The following AGBL1 variants were observed in gnomAD, a reference collection of about 807,000 sequenced individuals.
The protein encoded by AGBL1 is cytosolic carboxypeptidase 4.
A neutral mutation model predicts 118.9 loss-of-function variants in AGBL1; 130 were observed. That is an observed-to-expected ratio of 1.09 (90% CI 0.95 to 1.26). AGBL1 has a LOEUF of 1.26. Ranked by LOEUF, AGBL1 falls within the 50% of genes most tolerant of loss-of-function variation. The probability of loss-of-function intolerance (pLI) is 0.00; values close to 1 mark genes in which losing one functional copy is unlikely to be tolerated. For synonymous variants in AGBL1, 555 were observed against 478.9 expected, an observed-to-expected ratio of 1.16 and a Z score of -2.08; for missense variants, 1,584 against 1,298.1, an observed-to-expected ratio of 1.22 and a Z score of -3.38.
chr15:86,891,035 A>T (rs2080044989), intron 22 of AGBL1, among the ~76,000 whole-genome samples: 1 of 152,146 alleles, frequency 6.6e-6, no homozygotes. Flanking sequence ...ATGAACATGA[A>T]ATGTTTTTTC....
downstream of AGBL1, among the ~76,000 whole-genome samples, chr15:87,030,840 T>A (rs185015137): frequency 5.0e-4 from 76 of 152,026 alleles, no homozygotes; most frequent in Non-Finnish European, 2.7e-4. Context: ...TTGAACTCTA[T>A]TACTCTACTC....
chr15:86,244,095 A>ATG (rs1489529335), intron 6 of AGBL1, among the ~76,000 whole-genome samples: 53 of 150,826 alleles, frequency 3.5e-4, no homozygotes, highest in Non-Finnish European at 3.4e-4. Context: ...AAATATATAT[A>ATG]TAAGTAAATA....
At chr15:86,339,168 A>G (rs1031153596) in intron 17 of AGBL1, among the ~76,000 whole-genome samples, 3 of 152,188 alleles carry the variant, frequency 2.0e-5, no homozygotes, top group Admixed American at 1.3e-4. Flanking sequence ...CACTTGAAGA[A>G]TATTGTGCCA....
chr15:86,780,897 A>G (rs1191925923), intron 22 of AGBL1, among the ~76,000 whole-genome samples: 3 of 151,956 alleles, frequency 2.0e-5, no homozygotes, highest in Non-Finnish European at 4.4e-5. Flanking sequence ...TGAACTCCTG[A>G]CCTCAGGTGA....
chr15:86,520,387 A>C (rs1159189728), intron 18 of AGBL1, among the ~76,000 whole-genome samples: 1 of 152,228 alleles, frequency 6.6e-6, no homozygotes, highest in Non-Finnish European at 1.5e-5. Flanking sequence ...TGACTCTCAA[A>C]GAGGTCTCAA....
chr15:86,543,164 T>G lies in AGBL1; in HGVS notation c.2686-2838T>G, dbSNP rs375325050. On this transcript the variant is annotated intron_variant, in intron 19 of 22. Transcript: ENST00000614907. ...CCAATTTATCTCCACATTTGAATTATTATTCATGCCCCTTAAAAGTAATTT... is the reference window on the plus strand; with the variant it reads ...CCAATTTATCTCCACATTTGAATTAGTATTCATGCCCCTTAAAAGTAATTT... Among the ~76,000 whole-genome samples, 281 of 148,680 alleles carry G rather than the reference T, an allele frequency of 1.9e-3. 1 individual carries two copies. The highest frequency in any genetic ancestry group is 6.6e-3 in the African/African-American group (271 of 41,302).
At chr15:86,113,593 C>T (rs546313057) in intron 1 of AGBL1, among the ~76,000 whole-genome samples, 7 of 152,190 alleles carry the variant, frequency 4.6e-5, no homozygotes, top group Non-Finnish European at 8.8e-5. Flanking sequence ...GCCCACCTTT[C>T]ACCTCTTTCA....
chr15:87,014,028 C>T (rs546950971), intron 24 of AGBL1, among the ~76,000 whole-genome samples: 32 of 152,180 alleles, frequency 2.1e-4, no homozygotes, highest in African/African-American at 7.7e-4. Flanking sequence ...CAAAAAATAC[C>T]TTTAATGTAC....
intron 18 of AGBL1, among the ~76,000 whole-genome samples, chr15:86,451,653 G>T (rs1054629579): frequency 9.9e-5 from 15 of 152,220 alleles, no homozygotes; most frequent in Admixed American, 9.2e-4. Flanking sequence ...AATGAATAGT[G>T]GAAGGCAAGA....
chr15:86,113,237 CTTTTCTTTTCTTTTCT>C (rs1567062388), intron 1 of AGBL1, among the ~76,000 whole-genome samples: 5 of 79,346 alleles, frequency 6.3e-5, no homozygotes, highest in Admixed American at 1.1e-4. Context: ...CTTTTCTTTT[CTTTTCTTTTCTTTTCT>C]TTTCTTTCTT....
chr15:86,897,509 T>C (rs947847208), intron 22 of AGBL1, among the ~76,000 whole-genome samples: 1 of 152,130 alleles, frequency 6.6e-6, no homozygotes, highest in African/African-American at 2.4e-5. Context: ...TTCTTTCTTA[T>C]ATATTTGAAT....
chr15:86,184,460 G>T (rs1239375171), intron 5 of AGBL1, among the ~76,000 whole-genome samples: 1 of 149,970 alleles, frequency 6.7e-6, no homozygotes, highest in Non-Finnish European at 1.5e-5. Flanking sequence ...TCTCAAGAGG[G>T]CAAACAGCTT....
chr15:86,511,917 T>C (rs2083056909), intron 18 of AGBL1, among the ~76,000 whole-genome samples: 1 of 152,032 alleles, frequency 6.6e-6, no homozygotes, highest in African/African-American at 2.4e-5. Flanking sequence ...ACAACCAAGA[T>C]ATAAATAAAT....
At chr15:86,906,080 A>T (rs982556955) in intron 22 of AGBL1, among the ~76,000 whole-genome samples, 1 of 152,174 alleles carries the variant, frequency 6.6e-6, no homozygotes, top group African/African-American at 2.4e-5. Context: ...CATGCTGCTG[A>T]TTACCCATTT....
intron 24 of AGBL1, among the ~76,000 whole-genome samples, chr15:86,994,318 T>C (rs75090585): frequency 6.6e-6 from 1 of 151,984 alleles, no homozygotes; most frequent in African/African-American, 2.4e-5. Flanking sequence ...TCTCTATATA[T>C]ATATATCCTG....
chr15:86,971,339 T>C (rs1042138279), intron 23 of AGBL1, among the ~76,000 whole-genome samples: 2 of 151,996 alleles, frequency 1.3e-5, no homozygotes, highest in African/African-American at 2.4e-5. Flanking sequence ...TTGTGACATG[T>C]GGTGAGACAT....
chr15:86,399,706 T>A (rs2081417566), intron 18 of AGBL1, among the ~76,000 whole-genome samples: 1 of 152,214 alleles, frequency 6.6e-6, no homozygotes, highest in South Asian at 2.1e-4. Flanking sequence ...TAAAGGTTAA[T>A]GTGATCTCAG....
At chr15:86,224,548 C>T (rs1165377234) in intron 5 of AGBL1, among the ~76,000 whole-genome samples, 1 of 152,098 alleles carries the variant, frequency 6.6e-6, no homozygotes, top group African/African-American at 2.4e-5. Context: ...CCTCCAGAGT[C>T]CCTGCAAGTT....
At chr15:86,232,740 C>T (rs769368134) in intron 6 of AGBL1, among the ~76,000 whole-genome samples, 1 of 152,148 alleles carries the variant, frequency 6.6e-6, no homozygotes, top group South Asian at 2.1e-4. Context: ...TTTCCCCTCT[C>T]GCTCTTTGAT....
Sources: allele counts gnomAD v4.1 joint callset (sites outside exome capture counted in the v4.1 genomes callset), GRCh38; gene constraint gnomAD v4.1.1; transcripts MANE v1.5; gene names NCBI Gene and HGNC (gene_info 2026-07-23, HGNC 2026-07-21).